The following C15orf40 variants were observed in gnomAD, a reference collection of about 807,000 sequenced individuals.
C15orf40 encodes UPF0235 protein C15orf40.
A neutral mutation model predicts 13.9 loss-of-function variants in C15orf40; 9 were observed. That is an observed-to-expected ratio of 0.65 (90% CI 0.39 to 1.13). The LOEUF (loss-of-function observed/expected upper bound fraction) is 1.13, where lower values mean the gene tolerates loss of function less well. Among genes scored for constraint, C15orf40 ranks in the 50% most tolerant of loss-of-function variants. The probability of loss-of-function intolerance (pLI) is 0.01; values close to 1 mark genes in which losing one functional copy is unlikely to be tolerated. For synonymous variants in C15orf40, 95 were observed against 69.2 expected (o/e 1.37, Z -1.85); for missense variants, 225 against 188.5 (o/e 1.19, Z -1.13).
intron 2 of C15orf40, 56 bp from the exon 3 acceptor site, chr15:83,008,731 C>A: frequency 6.6e-7 from 1 of 1,517,864 alleles, no homozygotes; most frequent in Admixed American, 2.3e-5. Flanking sequence ...CTTCATGAAG[C>A]AAGGACATTT....
At chr15:83,008,791 C>G in intron 2 of C15orf40, 116 bp from the exon 3 acceptor site, 1 of 1,177,430 alleles carries the variant, frequency 8.5e-7, no homozygotes. Flanking sequence ...CAATTAAAAA[C>G]TGTTGAATGA....
downstream of C15orf40, chr15:82,990,543 C>CTT (rs397854504): frequency 0.12 from 81,046 of 678,244 alleles, 2,231 homozygotes; most frequent in South Asian, 0.21. Context: ...AAAACAATTG[C>CTT]TTTTTTTTTT....
In C15orf40 at chr15:83,010,324, G is replaced by C; in HGVS notation, c.151C>G (p.Pro51Ala). ...QSKEPERPLP[P>A]LGPVAVDPKG... Reference sequence around the variant, plus strand: ...GGATCAACTGCCACAGGACCTAAGGGAGGAAGTGGTCTCTCTGGTTCCTTG... The same window carrying C: ...GGATCAACTGCCACAGGACCTAAGGCAGGAAGTGGTCTCTCTGGTTCCTTG... The change falls in exon 2 of 4, where the codon CCC (proline) becomes GCC (alanine). Residue 51 changes from proline to alanine, a missense_variant. Pro to Ala is a conservative substitution (Grantham distance 27). Coordinates refer to ENST00000304177, the MANE Select transcript of C15orf40 (RefSeq NM_144597.3). 6.2e-7 allele frequency: 1 copy of C among 1,614,240 alleles called. No individual in the cohort carries two copies. The highest frequency in any genetic ancestry group is 8.5e-7 in the Non-Finnish European group (1 of 1,180,042).
rs1051197264 is a variant in C15orf40, at chr15:82,996,910, T to A, written c.*8687A>T. ...GCTCAGGCCTGTAATCCCAGCTACT[T>A]GGAAGGCTGAGGCAGGAGAATCGCT... On this transcript the variant is annotated 3_prime_UTR_variant, in exon 4 of 4. Coordinates refer to ENST00000304177, the MANE Select transcript of C15orf40 (RefSeq NM_144597.3). 2.0e-5 allele frequency: 3 copies of A among 150,448 alleles called. No homozygotes were observed. The highest frequency in any genetic ancestry group is 1.3e-4 in the Admixed American group (2 of 15,132). 9.3% of individuals were successfully genotyped at this position (150,448 alleles called of 1,614,324 possible).
downstream of C15orf40, chr15:82,990,785 TAAG>T (rs2030826860): frequency 1.1e-5 from 8 of 717,610 alleles, no homozygotes; most frequent in African/African-American, 1.8e-5. Context: ...AATTCACACA[TAAG>T]AAAGTTTAAC....
At chr15:83,008,814 T>C in intron 2 of C15orf40, 139 bp from the exon 3 acceptor site, 1 of 955,940 alleles carries the variant, frequency 1.0e-6, no homozygotes, top group Non-Finnish European at 1.5e-6. Context: ...AAATGAATGA[T>C]TAAACTAATC....
At chr15:82,989,794 T>C, downstream of C15orf40, 1 of 1,483,250 alleles carries the variant, frequency 6.7e-7, no homozygotes, top group Non-Finnish European at 9.1e-7. Flanking sequence ...TGTATTAGAA[T>C]GAGAAACCAG....
rs2031425014 is a variant in C15orf40 at position 83,001,697 on chromosome 15, A to G, written c.*3900T>C. ...CCAGGGCCCAGATGATGAAAAGTAC[A>G]TTAACTGAGCTTCTACAGCAGGTCA... On this transcript the variant is annotated 3_prime_UTR_variant, in exon 4 of 4. Coordinates refer to ENST00000304177, the MANE Select transcript of C15orf40 (RefSeq NM_144597.3). The G allele has an allele frequency of 6.6e-6, 1 of 152,248 alleles. No individual in the cohort carries two copies. The highest frequency in any genetic ancestry group is 1.5e-5 in the Non-Finnish European group (1 of 68,056). The allele number at this position is 152,248 out of a possible 1,614,324, so 9.4% of individuals were successfully genotyped here. A position where few individuals can be genotyped will look rare whatever the true frequency, so the allele number is the denominator to read the frequency against.
chr15:83,008,191 CA>C (rs113081534), intron 3 of C15orf40: 2,384 of 198,178 alleles, frequency 0.012, no homozygotes, highest in South Asian at 0.033. Context: ...GACTCCGTCT[CA>C]AAAAAAAAAA....
chr15:82,992,017 G>T, downstream of C15orf40: 1 of 782,048 alleles, frequency 1.3e-6, no homozygotes, highest in South Asian at 1.4e-5. Flanking sequence ...GGAGTTCGAG[G>T]CCAGCCTGGG....
chr15:83,002,310 G>T lies in C15orf40; in HGVS notation c.*3287C>A, dbSNP rs1481876798. ...AACTCACTAGGCAAAATGTTCCCAC[G>T]TTTAAAATATCACCGTTTAAAATGA... is the stretch of plus-strand genomic sequence containing the variant. On this transcript the variant is annotated 3_prime_UTR_variant, in exon 4 of 4. Transcript: ENST00000304177. 1.3e-5 allele frequency: 2 copies of T among 152,208 alleles called. No individual in the cohort carries two copies. Among genetic ancestry groups the T allele is most frequent in the African/African-American group, 2.4e-5 (1 of 41,452 alleles). 9.4% of individuals were successfully genotyped at this position (152,208 alleles called of 1,614,324 possible). A position where few individuals can be genotyped will look rare whatever the true frequency, so the allele number is the denominator to read the frequency against.
At position 83,005,376 on chromosome 15, in the gene C15orf40, C is replaced by T; in HGVS notation, c.*221G>A. On this transcript the variant is annotated 3_prime_UTR_variant, in exon 4 of 4. Transcript: ENST00000304177. ...CTCGGCTTACTGCAACCTCCGCCCC[C>T]CAGGTTCAAGTGATTCTCCTGCCTC... 1 of 711,610 alleles carries T rather than the reference C, an allele frequency of 1.4e-6. No individual in the cohort carries two copies. Among genetic ancestry groups the T allele is most frequent in the Non-Finnish European group, 1.8e-6 (1 of 549,374 alleles). 44.1% of individuals were successfully genotyped at this position (711,610 alleles called of 1,614,324 possible).
chr15:83,000,316 C>T lies in C15orf40; in HGVS notation c.*5281G>A, dbSNP rs192067199. On this transcript the variant is annotated 3_prime_UTR_variant, in exon 4 of 4. Transcript: ENST00000304177. ...GATCCATTTTCAGAAACACTGGCTA[C>T]GTGGATTTCTGAAACCTGCAGAGTT... The T allele has an allele frequency of 2.6e-5, 4 of 152,344 alleles. No individual in the cohort carries two copies. Among genetic ancestry groups the T allele is most frequent in the Admixed American group, 1.3e-4 (2 of 15,300 alleles). 9.4% of individuals were successfully genotyped at this position (152,344 alleles called of 1,614,324 possible). A position where few individuals can be genotyped will look rare whatever the true frequency, so the allele number is the denominator to read the frequency against.
At position 82,997,211 on chromosome 15, in the gene C15orf40, TTTATTTTTA is replaced by T. The variant is rs1168993622; in HGVS notation, c.*8377_*8385del. 1 of 96,200 alleles carries T rather than the reference TTTATTTTTA, an allele frequency of 1.0e-5. No homozygotes were observed. Among genetic ancestry groups the T allele is most frequent in the African/African-American group, 5.8e-5 (1 of 17,256 alleles). 6.0% of individuals were successfully genotyped at this position (96,200 alleles called of 1,614,324 possible). A position where few individuals can be genotyped will look rare whatever the true frequency, so the allele number is the denominator to read the frequency against. On this transcript the variant is annotated 3_prime_UTR_variant, in exon 4 of 4. Coordinates refer to ENST00000304177, the MANE Select transcript of C15orf40 (RefSeq NM_144597.3). ...TGCTTTTGTTTTTCATTTTTATTTA[TTTATTTTTA>T]TTTTTTTTTAATTTATTTTTTTATT...
Position 83,001,331 on chromosome 15 carries a change from T to C in C15orf40, c.*4266A>G. Reference sequence around the variant, plus strand: ...TCTGTCAAGTAAGCAACCAAGTTAATAAGTGATTAATACATCATGTTTGCA... The same window carrying C: ...TCTGTCAAGTAAGCAACCAAGTTAACAAGTGATTAATACATCATGTTTGCA... On this transcript the variant is annotated 3_prime_UTR_variant, in exon 4 of 4. Transcript: ENST00000304177. 1 of 977,670 alleles carries C rather than the reference T, an allele frequency of 1.0e-6. No homozygotes were observed. Among genetic ancestry groups the C allele is most frequent in the Non-Finnish European group, 1.2e-6 (1 of 822,828 alleles). The allele number at this position is 977,670 out of a possible 1,614,324, so 60.6% of individuals were successfully genotyped here. A position where few individuals can be genotyped will look rare whatever the true frequency, so the allele number is the denominator to read the frequency against.
At chr15:82,990,972 C>G (rs1242189578), downstream of C15orf40, 1 of 225,472 alleles carries the variant, frequency 4.4e-6, no homozygotes, top group Non-Finnish European at 8.6e-6. Context: ...TCACAGAGAT[C>G]ATTCTATTTC....
chr15:83,005,636 C>G lies in C15orf40; in HGVS notation c.423G>C (p.Glu141Asp). 6.2e-7 allele frequency: 1 copy of G among 1,612,198 alleles called. No homozygotes were observed. Among genetic ancestry groups the G allele is most frequent in the South Asian group, 1.1e-5 (1 of 90,932 alleles). Residue 141 changes from glutamate to aspartate, a missense_variant, in exon 4 of 4, where the codon GAG becomes GAC. Physicochemically the swap from Glu to Asp is conservative, Grantham distance 45. Transcript: ENST00000304177. The stretch of plus-strand genomic sequence containing the variant: ...CTTCCTTTTTTAATTTCTCCAAGAT[C>G]TCTTCTGGAGTTGTAGAAGCCAAAA... ...VKLLASTTPE[E>D]ILEKLKKEAK...
intron 3 of C15orf40, among the ~76,000 whole-genome samples, chr15:83,007,079 C>T (rs939418017): frequency 6.6e-6 from 1 of 151,948 alleles, no homozygotes; most frequent in Admixed American, 6.6e-5. Flanking sequence ...GCTGGGCCCC[C>T]CTCCTGCAGA....
intron 3 of C15orf40, 50 bp downstream of exon 3, chr15:83,008,498 G>T: frequency 6.3e-7 from 1 of 1,588,854 alleles, no homozygotes; most frequent in Non-Finnish European, 8.6e-7. Context: ...CAGCTTGGGC[G>T]ACAGAGCAAG....
Sources: allele counts gnomAD v4.1 joint callset (sites outside exome capture counted in the v4.1 genomes callset), GRCh38; gene constraint gnomAD v4.1.1; transcripts MANE v1.5; gene names NCBI Gene and HGNC (gene_info 2026-07-23, HGNC 2026-07-21).